BCL9: variants seen among roughly 807,000 people sequenced by gnomAD.
BCL9 encodes the protein BCL9 transcription coactivator, also known as B-cell CLL/lymphoma 9 protein.
BCL9 carries 25 observed loss-of-function variants against 88.5 expected under a neutral mutation model. The observed-to-expected ratio is 0.28, with a 90% CI of 0.21 to 0.39. The LOEUF is 0.39. Among genes scored for constraint, BCL9 ranks in the 10% least tolerant of loss-of-function variants. The probability of loss-of-function intolerance (pLI) is 1.00; values close to 1 mark genes in which losing one functional copy is unlikely to be tolerated. For synonymous variants in BCL9, 711 were observed against 673.3 expected, an observed-to-expected ratio of 1.06 and a Z score of -0.87; for missense variants, 1,817 against 1,877.8, an observed-to-expected ratio of 0.97 and a Z score of 0.60.
intron 1 of BCL9, among the ~76,000 whole-genome samples, chr1:147,563,619 G>A (rs782355028): frequency 4.6e-5 from 7 of 152,222 alleles, no homozygotes; most frequent in Non-Finnish European, 7.3e-5. Flanking sequence ...ATCAATGACT[G>A]TTTTAAAACC....
At chr1:147,555,930 A>C (rs1295492357) in intron 1 of BCL9, among the ~76,000 whole-genome samples, 1 of 152,218 alleles carries the variant, frequency 6.6e-6, no homozygotes. Context: ...AAGCTTAATT[A>C]AATTATGTAA....
chr1:147,618,991 C>T lies in BCL9; in HGVS notation c.836C>T (p.Pro279Leu), dbSNP rs1487105230. The stretch of plus-strand genomic sequence containing the variant: ...CCACGTCCCCTGGACCGGGAGAGTC[C>T]TGGGGTAGAAAACAAACTGATTCCT... ...APPRPLDRES[P>L]GVENKLIPSV... The change falls in exon 8 of 10, where the codon CCT (proline) becomes CTT (leucine). Residue 279 changes from proline (P) to leucine (L), a missense_variant. This residue lies in a region of BCL9 where 1,228 missense variants were observed against 1,191.6 expected (regional missense o/e 1.03). Coordinates refer to ENST00000234739, the MANE Select transcript of BCL9 (RefSeq NM_004326.4). 9.9e-6 allele frequency: 16 copies of T among 1,611,988 alleles called. No homozygotes were observed. The highest frequency in any genetic ancestry group is 1.4e-5 in the Non-Finnish European group (16 of 1,178,896).
intron 8 of BCL9, 65 bp from the exon 9 acceptor site, chr1:147,622,206 G>A: frequency 6.3e-7 from 1 of 1,588,806 alleles, no homozygotes; most frequent in South Asian, 1.1e-5. Context: ...ATAATCATAG[G>A]GCCCAATACC....
intron 1 of BCL9, among the ~76,000 whole-genome samples, chr1:147,573,172 C>T (rs1225325421): frequency 3.3e-5 from 5 of 152,078 alleles, no homozygotes; most frequent in Non-Finnish European, 5.9e-5. Flanking sequence ...AGGTTGAGGC[C>T]GGGAGCGGTG....
At chr1:147,578,745 G>A (rs587666854) in intron 1 of BCL9, among the ~76,000 whole-genome samples, 13 of 152,204 alleles carry the variant, frequency 8.5e-5, no homozygotes, top group Non-Finnish European at 1.6e-4. Flanking sequence ...ACACTTCTGT[G>A]CACATGGTTT....
At chr1:147,559,567 T>G (rs1312953247) in intron 1 of BCL9, among the ~76,000 whole-genome samples, 5 of 152,230 alleles carry the variant, frequency 3.3e-5, no homozygotes, top group African/African-American at 1.2e-4. Flanking sequence ...ACCCAAACTT[T>G]CATGTCCCTT....
chr1:147,609,735 C>T (rs587601924), intron 3 of BCL9, among the ~76,000 whole-genome samples: 10 of 152,314 alleles, frequency 6.6e-5, no homozygotes, highest in South Asian at 2.1e-4. Context: ...CTTTGGAAGA[C>T]GTGTGTAACA....
intron 1 of BCL9, among the ~76,000 whole-genome samples, chr1:147,562,380 G>A (rs1655419120): frequency 6.6e-6 from 1 of 152,124 alleles, no homozygotes; most frequent in East Asian, 1.9e-4. Context: ...ATCTTAAACA[G>A]TGGGTTAGAG....
At chr1:147,549,238 A>G (rs1305287249) in intron 1 of BCL9, among the ~76,000 whole-genome samples, 2 of 151,872 alleles carry the variant, frequency 1.3e-5, no homozygotes, top group Non-Finnish European at 2.9e-5. Context: ...CAACCTCCCA[A>G]AGTGCTGGGA....
intron 1 of BCL9, among the ~76,000 whole-genome samples, chr1:147,596,002 A>G (rs1234708363): frequency 6.6e-6 from 1 of 152,202 alleles, no homozygotes. Context: ...GCATGAAAAC[A>G]AAGGGGAAGC....
chr1:147,573,582 G>T (rs782464558), intron 1 of BCL9, among the ~76,000 whole-genome samples: 2 of 152,188 alleles, frequency 1.3e-5, no homozygotes, highest in Non-Finnish European at 2.9e-5. Context: ...GTGAGACCGG[G>T]GTTCAATTTC....
At chr1:147,543,883 CAA>C (rs1311300696) in intron 1 of BCL9, among the ~76,000 whole-genome samples, 1 of 152,030 alleles carries the variant, frequency 6.6e-6, no homozygotes, top group Non-Finnish European at 1.5e-5. Context: ...CTTGGCCAAC[CAA>C]AGAGAGGCAC....
At chr1:147,604,135 AG>A (rs1453396702) in intron 1 of BCL9, among the ~76,000 whole-genome samples, 2 of 152,184 alleles carry the variant, frequency 1.3e-5, no homozygotes, top group Non-Finnish European at 2.9e-5. Context: ...TAATAATACC[AG>A]GGATGGTTAC....
chr1:147,602,262 A>G (rs587665619), intron 1 of BCL9, among the ~76,000 whole-genome samples: 1 of 149,578 alleles, frequency 6.7e-6, no homozygotes, highest in South Asian at 2.1e-4. Context: ...GCTGGAGTGC[A>G]GTGGCACGAT....
chr1:147,617,654 A>G (rs182284574), intron 7 of BCL9, among the ~76,000 whole-genome samples: 3 of 152,344 alleles, frequency 2.0e-5, no homozygotes, highest in Admixed American at 2.0e-4. Flanking sequence ...CAAATTGTTC[A>G]TATGCAGAGA....
chr1:147,578,178 C>A (rs1213256365), intron 1 of BCL9, among the ~76,000 whole-genome samples: 1 of 152,118 alleles, frequency 6.6e-6, no homozygotes, highest in Non-Finnish European at 1.5e-5. Context: ...ATTCCCCTTT[C>A]CCCATTAATT....
chr1:147,563,458 A>G (rs1391191046), intron 1 of BCL9, among the ~76,000 whole-genome samples: 2 of 152,208 alleles, frequency 1.3e-5, no homozygotes, highest in Non-Finnish European at 2.9e-5. Context: ...CATGGGCAAC[A>G]AGGACCTAGA....
intron 1 of BCL9, among the ~76,000 whole-genome samples, chr1:147,559,084 T>G (rs1405715330): frequency 6.6e-6 from 1 of 152,158 alleles, no homozygotes; most frequent in African/African-American, 2.4e-5. Context: ...GAAATTTGTC[T>G]TGTTAGAATT....
intron 1 of BCL9, among the ~76,000 whole-genome samples, chr1:147,585,983 C>T (rs587741293): frequency 6.6e-6 from 1 of 152,216 alleles, no homozygotes; most frequent in Non-Finnish European, 1.5e-5. Flanking sequence ...CTGCTCTCAG[C>T]CCACGAGTAC....
Sources: gnomAD v4.1 joint callset for allele counts (sites outside exome capture counted in the v4.1 genomes callset) on GRCh38, gnomAD v4.1.1 for gene constraint, gnomAD v4.1.1 regional missense constraint, MANE v1.5 for transcripts, NCBI Gene and HGNC (gene_info 2026-07-23, HGNC 2026-07-21) for gene names.